Variants in LRCH3 observed in about 807,000 individuals in gnomAD.
LRCH3 encodes the protein leucine rich repeats and calponin homology domain containing 3.
In LRCH3, 68 loss-of-function variants were observed where a neutral mutation model predicts 104.5. That is an observed-to-expected ratio of 0.65 (90% CI 0.54 to 0.80). The LOEUF is 0.80. LRCH3 is among the 30% of genes least tolerant of loss of function. LRCH3 has a pLI of 0.00. For missense variants in LRCH3, 951 were observed against 953.9 expected (o/e 1.00, Z 0.04); for synonymous variants, 344 against 361.3 (o/e 0.95, Z 0.54).
intron 9 of LRCH3, among the ~76,000 whole-genome samples, chr3:197,837,574 A>G (rs1000892555): frequency 3.3e-5 from 5 of 152,152 alleles, no homozygotes; most frequent in Admixed American, 3.3e-4. Context: ...AAACTAACCT[A>G]TGTGAGGTGT....
At chr3:197,835,626 T>A (rs768922425) in intron 8 of LRCH3, 48 bp from the exon 9 acceptor site, 6 of 1,425,834 alleles carry the variant, frequency 4.2e-6, no homozygotes, top group Non-Finnish European at 5.6e-6. Flanking sequence ...ATTTGAATGT[T>A]TTTTTCTGGT....
At chr3:197,838,275 A>ATGG (rs1270992435) in intron 9 of LRCH3, among the ~76,000 whole-genome samples, 4 of 152,222 alleles carry the variant, frequency 2.6e-5, no homozygotes, top group African/African-American at 9.6e-5. Context: ...AAATTTTAAA[A>ATGG]TGGTGTCTTC....
chr3:197,862,158 G>A (rs568769135), intron 15 of LRCH3, among the ~76,000 whole-genome samples: 2 of 152,220 alleles, frequency 1.3e-5, no homozygotes, highest in African/African-American at 2.4e-5. Flanking sequence ...ACCACGCCCA[G>A]CTAATTTTTG....
At chr3:197,835,883 G>A in intron 9 of LRCH3, 61 bp downstream of exon 9, 2 of 1,552,824 alleles carry the variant, frequency 1.3e-6, no homozygotes, top group Admixed American at 3.6e-5. Flanking sequence ...ATTCATAATA[G>A]TATAAAGTTT....
At chr3:197,840,011 G>A (rs1421186757) in intron 10 of LRCH3, among the ~76,000 whole-genome samples, 8 of 151,654 alleles carry the variant, frequency 5.3e-5, no homozygotes, top group South Asian at 4.2e-4. Flanking sequence ...AACGAATTTC[G>A]AGAGTTCTAA....
chr3:197,870,077 A>G, intron 17 of LRCH3, 83 bp from the exon 18 acceptor site: 2 of 1,432,948 alleles, frequency 1.4e-6, no homozygotes, highest in South Asian at 2.5e-5. Context: ...CTGCACTTGC[A>G]GGGAAACTGT....
rs924382880 is a variant in LRCH3 at position 197,796,652 on chromosome 3, T to C, written c.262+5112T>C. On this transcript the variant is annotated intron_variant, in intron 1 of 20. Coordinates refer to ENST00000425562, the MANE Select transcript of LRCH3 (RefSeq NM_001365715.1). ...TATATAACATGAACAAAAACAACCA[T>C]AGTAAGTTGTAAATACTATTTTTGA... Among the ~76,000 whole-genome samples the C allele has an allele frequency of 3.3e-5, 5 of 152,242 alleles. No homozygotes were observed. The South Asian group carries it at 8.3e-4, about 25-fold the overall frequency.
chr3:197,845,776 A>G (rs1378634434), intron 10 of LRCH3, among the ~76,000 whole-genome samples: 6 of 152,076 alleles, frequency 3.9e-5, no homozygotes, highest in Admixed American at 3.9e-4. Context: ...GTGGTGGCGC[A>G]TGCCTGTAAT....
chr3:197,806,948 A>T (rs1179034508), intron 1 of LRCH3, among the ~76,000 whole-genome samples: 2 of 151,402 alleles, frequency 1.3e-5, no homozygotes, highest in East Asian at 4.1e-4. Context: ...CTCAGGTCAG[A>T]GAATCACTTG....
At chr3:197,835,613 C>A in intron 8 of LRCH3, 61 bp from the exon 9 acceptor site, 1 of 1,370,736 alleles carries the variant, frequency 7.3e-7, no homozygotes, top group Non-Finnish European at 9.6e-7. Context: ...TATTGGCTAT[C>A]TAATTTGAAT....
intron 7 of LRCH3, chr3:197,831,417 CATTAAGTT>C (rs899479658): frequency 3.3e-5 from 5 of 152,088 alleles, no homozygotes; most frequent in African/African-American, 1.2e-4. Context: ...TTTAGCTATG[CATTAAGTT>C]ATTAAGTAAA....
chr3:197,879,947 A>AT (rs1327149985), intron 20 of LRCH3, among the ~76,000 whole-genome samples: 4,047 of 123,278 alleles, frequency 0.033, 57 homozygotes, highest in East Asian at 0.046. Flanking sequence ...TGTGTATTGT[A>AT]TTTTTTTTTT....
intron 2 of LRCH3, among the ~76,000 whole-genome samples, chr3:197,816,563 A>C (rs1335499658): frequency 6.6e-6 from 1 of 152,192 alleles, no homozygotes; most frequent in Non-Finnish European, 1.5e-5. Context: ...TACAGACGTG[A>C]GCCACTGCGC....
intron 15 of LRCH3, among the ~76,000 whole-genome samples, chr3:197,862,525 A>T (rs1741004593): frequency 6.6e-6 from 1 of 152,058 alleles, no homozygotes; most frequent in African/African-American, 2.4e-5. Context: ...AGTGTTTTTT[A>T]AATTTTTGAA....
intron 17 of LRCH3, among the ~76,000 whole-genome samples, chr3:197,868,913 TGAG>T (rs982554467): frequency 6.6e-6 from 1 of 152,166 alleles, no homozygotes; most frequent in African/African-American, 2.4e-5. Flanking sequence ...GTTCACTTGG[TGAG>T]GAGAATTTTT....
At chr3:197,819,479 G>T (rs550443011) in intron 3 of LRCH3, among the ~76,000 whole-genome samples, 1 of 152,086 alleles carries the variant, frequency 6.6e-6, no homozygotes, top group East Asian at 1.9e-4. Flanking sequence ...ACTTTGGGAG[G>T]CTGAGGCAGG....
At position 197,791,429 on chromosome 3, in the gene LRCH3, C is replaced by A. The variant is rs1730481402; in HGVS notation, c.151C>A (p.Arg51=). Residue 51 remains arginine (R), a synonymous_variant, in exon 1 of 21, where the codon CGA becomes AGA. Transcript: ENST00000425562. ...GGGCTCGTGGAGCCGCTCTCTCGAT[C>A]GAGCCCTGGAGGAGGCGGCGGTCAC... ...GPGSWSRSLD[R]ALEEAAVTGV... 5 of 1,594,704 alleles carry A rather than the reference C, an allele frequency of 3.1e-6. No individual in the cohort carries two copies. The highest frequency in any genetic ancestry group is 4.3e-6 in the Non-Finnish European group (5 of 1,172,092).
At position 197,888,120 on chromosome 3, in the gene LRCH3, G is replaced by A. The variant is rs567980551; in HGVS notation, c.*4454G>A. On this transcript the variant is annotated 3_prime_UTR_variant, in exon 21 of 21. Coordinates refer to ENST00000425562, the MANE Select transcript of LRCH3 (RefSeq NM_001365715.1). ...ACTAATGATGTGTGACTATGCGAAT[G>A]AGTTTGATGAATTCGTAAAAACTAA... is the stretch of plus-strand genomic sequence containing the variant. The A allele has an allele frequency of 3.3e-5, 5 of 152,320 alleles. No individual in the cohort carries two copies. Among genetic ancestry groups the A allele is most frequent in the African/African-American group, 1.2e-4 (5 of 41,566 alleles). 9.4% of individuals were successfully genotyped at this position (152,320 alleles called of 1,614,324 possible).
At chr3:197,835,288 A>G (rs979859099) in intron 8 of LRCH3, among the ~76,000 whole-genome samples, 12 of 151,990 alleles carry the variant, frequency 7.9e-5, no homozygotes, top group African/African-American at 2.9e-4. Context: ...GGTTCAAGCA[A>G]TTCTCTTGTC....
Sources: allele counts gnomAD v4.1 joint callset (sites outside exome capture counted in the v4.1 genomes callset), GRCh38; gene constraint gnomAD v4.1.1; transcripts MANE v1.5; gene names NCBI Gene and HGNC (gene_info 2026-07-23, HGNC 2026-07-21).